DGKB: variants seen among roughly 807,000 people sequenced by gnomAD.
DGKB encodes diacylglycerol kinase beta, also known as 90 kDa diacylglycerol kinase.
Under a neutral mutation model 114.3 loss-of-function variants are expected in DGKB, and 67 were observed. The ratio of observed to expected loss-of-function variants is 0.59; its 90% confidence interval spans 0.48 to 0.72. DGKB has a LOEUF of 0.72. DGKB is among the 30% of genes least tolerant of loss of function. DGKB has a pLI of 0.00. For synonymous variants in DGKB, 398 were observed against 323.1 expected (o/e 1.23, Z -2.49); for missense variants, 907 against 975.2 (o/e 0.93, Z 0.93).
chr7:14,445,999 A>G (rs1019786881), intron 21 of DGKB, among the ~76,000 whole-genome samples: 1 of 152,088 alleles, frequency 6.6e-6, no homozygotes, highest in Non-Finnish European at 1.5e-5. Flanking sequence ...TTCACTAACT[A>G]TAATTTATAA....
At chr7:14,810,669 C>T (rs758370865) in intron 2 of DGKB, among the ~76,000 whole-genome samples, 4 of 152,134 alleles carry the variant, frequency 2.6e-5, no homozygotes, top group Non-Finnish European at 4.4e-5. Flanking sequence ...ACAATCTTGG[C>T]ACGATCTTGG....
chr7:14,274,574 C>T (rs1313132976), intron 23 of DGKB, among the ~76,000 whole-genome samples: 2 of 152,036 alleles, frequency 1.3e-5, no homozygotes, highest in African/African-American at 4.8e-5. Flanking sequence ...GTTTGTGCTG[C>T]TATTAAAAAA....
At chr7:14,301,779 A>G (rs1197424773) in intron 23 of DGKB, among the ~76,000 whole-genome samples, 3 of 152,108 alleles carry the variant, frequency 2.0e-5, no homozygotes, top group African/African-American at 7.2e-5. Context: ...AAAGATGGAG[A>G]TCTGGAGAGG....
intron 23 of DGKB, among the ~76,000 whole-genome samples, chr7:14,180,730 T>C (rs1472572426): frequency 1.3e-5 from 2 of 152,218 alleles, no homozygotes; most frequent in African/African-American, 2.4e-5. Flanking sequence ...TGATGCCCCC[T>C]ACCTGTTAAT....
In DGKB at chr7:14,287,317, G is replaced by A. The variant is rs377016902; in HGVS notation, c.2122+51198C>T. ...TTTTAAAACATTTTAATGGGTTCTC[G>A]GGTTCTACATTTCAGTGTATCTCTT... is the stretch of plus-strand genomic sequence containing the variant. On this transcript the variant is annotated intron_variant, in intron 23 of 25. Coordinates refer to ENST00000402815, the MANE Select transcript of DGKB (RefSeq NM_001350709.2). 1.9e-4 allele frequency among the ~76,000 whole-genome samples: 29 copies of A among 151,958 alleles called. 1 individual carries two copies. Among genetic ancestry groups the A allele is most frequent in the East Asian group, 1.5e-3 (8 of 5,164 alleles).
intron 20 of DGKB, among the ~76,000 whole-genome samples, chr7:14,561,783 TAA>T (rs1385501039): frequency 6.6e-6 from 1 of 152,206 alleles, no homozygotes; most frequent in Admixed American, 6.5e-5. Flanking sequence ...AAGCAGAGCA[TAA>T]AAGTTTGGAA....
intron 23 of DGKB, among the ~76,000 whole-genome samples, chr7:14,238,444 C>G (rs1002256234): frequency 2.6e-5 from 4 of 151,904 alleles, no homozygotes; most frequent in African/African-American, 7.2e-5. Context: ...TATAAATTAT[C>G]CAGTCTCGGG....
chr7:14,179,359 T>A (rs1191448974), intron 23 of DGKB, among the ~76,000 whole-genome samples: 1 of 152,244 alleles, frequency 6.6e-6, no homozygotes, highest in African/African-American at 2.4e-5. Context: ...GTAATATTCT[T>A]ATGTGTTTTT....
chr7:14,173,058 T>C (rs1379965353), intron 25 of DGKB, among the ~76,000 whole-genome samples: 1 of 152,188 alleles, frequency 6.6e-6, no homozygotes, highest in East Asian at 1.9e-4. Flanking sequence ...TAGTTTGATA[T>C]GCTTATTATC....
At chr7:14,294,764 G>T (rs2128477285) in intron 23 of DGKB, among the ~76,000 whole-genome samples, 1 of 152,196 alleles carries the variant, frequency 6.6e-6, no homozygotes, top group Non-Finnish European at 1.5e-5. Flanking sequence ...TATTATATGG[G>T]ATGGCCCTGG....
chr7:14,283,119 G>A (rs1189185048), intron 23 of DGKB, among the ~76,000 whole-genome samples: 1 of 151,656 alleles, frequency 6.6e-6, no homozygotes, highest in Non-Finnish European at 1.5e-5. Context: ...AAAACCCACT[G>A]TCTCAGCCCA....
intron 20 of DGKB, among the ~76,000 whole-genome samples, chr7:14,563,513 T>C (rs1019716757): frequency 6.6e-6 from 1 of 152,182 alleles, no homozygotes; most frequent in African/African-American, 2.4e-5. Flanking sequence ...TGATTTCTAT[T>C]TGGTACCTTT....
chr7:14,750,469 C>T (rs376960071), intron 4 of DGKB, among the ~76,000 whole-genome samples: 5 of 152,034 alleles, frequency 3.3e-5, no homozygotes, highest in Non-Finnish European at 5.9e-5. Flanking sequence ...TACTTTGGGT[C>T]GTATACCTGA....
At chr7:14,258,106 G>C (rs958774610) in intron 23 of DGKB, among the ~76,000 whole-genome samples, 4 of 152,198 alleles carry the variant, frequency 2.6e-5, no homozygotes, top group Non-Finnish European at 4.4e-5. Context: ...CTAATAAAAT[G>C]AGTAAAAGTT....
chr7:14,309,098 C>T (rs1335969735), intron 23 of DGKB, among the ~76,000 whole-genome samples: 1 of 152,040 alleles, frequency 6.6e-6, no homozygotes, highest in Non-Finnish European at 1.5e-5. Context: ...TGCCTGTAGT[C>T]CCAGCTACTT....
chr7:14,659,124 T>A (rs1190713310), intron 13 of DGKB, among the ~76,000 whole-genome samples: 2 of 151,958 alleles, frequency 1.3e-5, no homozygotes, highest in African/African-American at 4.8e-5. Flanking sequence ...CCTGTGCCCA[T>A]GTGTTCTCAT....
intron 21 of DGKB, among the ~76,000 whole-genome samples, chr7:14,374,834 T>G (rs1818231129): frequency 6.6e-6 from 1 of 152,154 alleles, no homozygotes; most frequent in African/African-American, 2.4e-5. Context: ...TATATGTGAT[T>G]ACTACCCCCA....
intron 1 of DGKB, among the ~76,000 whole-genome samples, chr7:14,930,840 G>A (rs1372354510): frequency 6.6e-6 from 1 of 152,088 alleles, no homozygotes; most frequent in Non-Finnish European, 1.5e-5. Context: ...TTGGTTGTGG[G>A]TTTGTTGTAC....
chr7:14,475,608 T>G (rs533747029), intron 21 of DGKB, among the ~76,000 whole-genome samples: 2 of 152,170 alleles, frequency 1.3e-5, no homozygotes, highest in Non-Finnish European at 2.9e-5. Flanking sequence ...CCTGTGACTT[T>G]GTGTCATTTT....
Sources: allele counts gnomAD v4.1 joint callset (sites outside exome capture counted in the v4.1 genomes callset), GRCh38; gene constraint gnomAD v4.1.1; transcripts MANE v1.5; gene names NCBI Gene and HGNC (gene_info 2026-07-23, HGNC 2026-07-21).